Variants in LHFPL6 observed in about 807,000 individuals in gnomAD.
The protein encoded by LHFPL6 is LHFPL tetraspan subfamily member 6 protein.
LHFPL6 carries 9 observed loss-of-function variants against 20.6 expected under a neutral mutation model. That is an observed-to-expected ratio of 0.44 (90% CI 0.26 to 0.76). The LOEUF (loss-of-function observed/expected upper bound fraction) is 0.76. Among genes scored for constraint, LHFPL6 ranks in the 30% least tolerant of loss-of-function variants. The probability of loss-of-function intolerance (pLI) is 0.20; values close to 1 mark genes in which losing one functional copy is unlikely to be tolerated. For missense variants in LHFPL6, 218 were observed against 253.5 expected, an observed-to-expected ratio of 0.86 and a Z score of 0.95; for synonymous variants, 105 against 98.7, an observed-to-expected ratio of 1.06 and a Z score of -0.38.
At chr13:39,375,750 C>G (rs1870279151) in intron 3 of LHFPL6, among the ~76,000 whole-genome samples, 1 of 143,858 alleles carries the variant, frequency 7.0e-6, no homozygotes, top group African/African-American at 2.9e-5. Flanking sequence ...GCCACACTTT[C>G]TCTTTAGGTC....
At chr13:39,506,898 A>G (rs1869504534) in intron 2 of LHFPL6, among the ~76,000 whole-genome samples, 1 of 152,220 alleles carries the variant, frequency 6.6e-6, no homozygotes, top group Non-Finnish European at 1.5e-5. Context: ...TCTATTTTAA[A>G]TGGCTTAGTG....
At chr13:39,452,936 C>T (rs1334267951) in intron 2 of LHFPL6, among the ~76,000 whole-genome samples, 1 of 152,170 alleles carries the variant, frequency 6.6e-6, no homozygotes, top group African/African-American at 2.4e-5. Context: ...CAGTTTCCTT[C>T]CCCCAGAGAT....
chr13:39,448,429 G>A (rs1331067088), intron 2 of LHFPL6, among the ~76,000 whole-genome samples: 3 of 152,064 alleles, frequency 2.0e-5, no homozygotes, highest in African/African-American at 4.8e-5. Context: ...TTAAAGAGGC[G>A]GGAACAAGGT....
intron 2 of LHFPL6, among the ~76,000 whole-genome samples, chr13:39,466,465 T>A (rs1872809705): frequency 6.6e-6 from 1 of 152,190 alleles, no homozygotes; most frequent in Non-Finnish European, 1.5e-5. Context: ...AACTTTGTCA[T>A]GTTATATAGA....
chr13:39,459,657 T>C (rs1872646802), intron 2 of LHFPL6, among the ~76,000 whole-genome samples: 1 of 152,248 alleles, frequency 6.6e-6, no homozygotes, highest in Admixed American at 6.5e-5. Flanking sequence ...TTATACACTC[T>C]TATTTATCTC....
chr13:39,343,641 G>A lies in LHFPL6; in HGVS notation c.*295C>T, dbSNP rs1368840775. ...TGTGTGTGTGTGTGTGTGTGTGTGT[G>A]TGTGTGTGTTGTACATTAACAATAC... is the stretch of plus-strand genomic sequence containing the variant. On this transcript the variant is annotated 3_prime_UTR_variant, in exon 4 of 4. Coordinates refer to ENST00000379589, the MANE Select transcript of LHFPL6 (RefSeq NM_005780.3). The A allele has an allele frequency of 9.5e-6, 3 of 315,008 alleles. No individual in the cohort carries two copies. Among genetic ancestry groups the A allele is most frequent in the Non-Finnish European group, 1.8e-5 (3 of 170,772 alleles). The allele number at this position is 315,008 out of a possible 1,614,324, so 19.5% of individuals were successfully genotyped here.
chr13:39,601,190 T>G lies in LHFPL6; in HGVS notation c.27A>C (p.Gly9=), dbSNP rs764062347. The change falls in exon 2 of 4, where the codon GGA becomes GGC. Residue 9 remains glycine, a synonymous_variant. Coordinates refer to ENST00000379589, the MANE Select transcript of LHFPL6 (RefSeq NM_005780.3). The part of the protein sequence containing the change: MASSLTCT[G]VIWALLSFLC... ...GAAAAGACAGCAAAGCCCAGATTAC[T>G]CCAGTACAAGTCAGGCTGGATGCCA... The G allele has an allele frequency of 1.2e-6, 2 of 1,613,082 alleles. No individual in the cohort carries two copies. The highest frequency in any genetic ancestry group is 3.3e-5 in the Admixed American group (2 of 59,944).
intron 3 of LHFPL6, among the ~76,000 whole-genome samples, chr13:39,365,724 T>C (rs1869993959): frequency 6.6e-6 from 1 of 152,160 alleles, no homozygotes; most frequent in African/African-American, 2.4e-5. Context: ...TCTTTTTAGG[T>C]ATTTGGACGA....
intron 3 of LHFPL6, among the ~76,000 whole-genome samples, chr13:39,366,942 C>T (rs1870027718): frequency 6.6e-6 from 1 of 152,226 alleles, no homozygotes; most frequent in South Asian, 2.1e-4. Context: ...ATCCTCTGCT[C>T]TACTTCCAAG....
At chr13:39,490,552 AG>A (rs1868889586) in intron 2 of LHFPL6, among the ~76,000 whole-genome samples, 1 of 152,206 alleles carries the variant, frequency 6.6e-6, no homozygotes, top group South Asian at 2.1e-4. Context: ...TGGAGTCTTT[AG>A]GAAAAAGACA....
intron 2 of LHFPL6, among the ~76,000 whole-genome samples, chr13:39,423,293 G>T (rs551303325): frequency 6.6e-6 from 1 of 152,260 alleles, no homozygotes; most frequent in East Asian, 1.9e-4. Context: ...CTTGCTTCAG[G>T]AGTATTTGAA....
chr13:39,436,966 C>T (rs1871974963), intron 2 of LHFPL6, among the ~76,000 whole-genome samples: 1 of 152,202 alleles, frequency 6.6e-6, no homozygotes, highest in Non-Finnish European at 1.5e-5. Context: ...AAATCCACAG[C>T]TCTAAATCCC....
At chr13:39,471,323 C>T (rs1219440238) in intron 2 of LHFPL6, among the ~76,000 whole-genome samples, 1 of 152,234 alleles carries the variant, frequency 6.6e-6, no homozygotes, top group African/African-American at 2.4e-5. Context: ...AGTCTGTCCC[C>T]TCCTTTCCAT....
intron 2 of LHFPL6, among the ~76,000 whole-genome samples, chr13:39,469,128 C>A (rs1407545730): frequency 3.3e-5 from 5 of 152,184 alleles, no homozygotes; most frequent in Non-Finnish European, 5.9e-5. Flanking sequence ...AGTAGAGCTG[C>A]CCTGAAAGTA....
intron 2 of LHFPL6, among the ~76,000 whole-genome samples, chr13:39,566,731 TAAAAAAAAAAAAA>T (rs3035077): frequency 1.4e-5 from 1 of 70,088 alleles, no homozygotes. Context: ...AGACCCTGTC[TAAAAAAAAAAAAA>T]AAAAAAAAAA....
chr13:39,367,139 T>C (rs1004937924), intron 3 of LHFPL6, among the ~76,000 whole-genome samples: 2 of 152,188 alleles, frequency 1.3e-5, no homozygotes, highest in African/African-American at 4.8e-5. Flanking sequence ...TTTTCACAGA[T>C]GTGATTTTGA....
At chr13:39,447,875 A>G (rs1399751991) in intron 2 of LHFPL6, among the ~76,000 whole-genome samples, 1 of 152,192 alleles carries the variant, frequency 6.6e-6, no homozygotes, top group Non-Finnish European at 1.5e-5. Context: ...GAGAAACTAT[A>G]AGGAAAAAGG....
chr13:39,461,673 C>T (rs76963120), intron 2 of LHFPL6, among the ~76,000 whole-genome samples: 2 of 151,986 alleles, frequency 1.3e-5, no homozygotes, highest in Admixed American at 6.6e-5. Context: ...GAAAAAAAAA[C>T]ATGACCTTTA....
At chr13:39,515,069 T>C (rs1443768760) in intron 2 of LHFPL6, among the ~76,000 whole-genome samples, 2 of 152,252 alleles carry the variant, frequency 1.3e-5, no homozygotes, top group East Asian at 3.8e-4. Context: ...CATTGGATCC[T>C]GATGAGACCT....
Sources: allele counts gnomAD v4.1 joint callset (sites outside exome capture counted in the v4.1 genomes callset), GRCh38; gene constraint gnomAD v4.1.1; transcripts MANE v1.5; gene names NCBI Gene and HGNC (gene_info 2026-07-23, HGNC 2026-07-21).